The following TMEM232 variants were observed in gnomAD, a reference collection of about 807,000 sequenced individuals.
TMEM232 encodes the protein transmembrane protein 232.
TMEM232 carries 80 observed loss-of-function variants against 78.8 expected under a neutral mutation model. The ratio of observed to expected loss-of-function variants is 1.01; its 90% CI spans 0.85 to 1.22. The LOEUF (loss-of-function observed/expected upper bound fraction) is 1.22, where lower values mean the gene tolerates loss of function less well. TMEM232 is among the 50% of genes most tolerant of loss of function. The pLI, the probability that TMEM232 is intolerant of heterozygous loss-of-function variation, is 0.00. For synonymous variants in TMEM232, 297 were observed against 254.3 expected (o/e 1.17, Z -1.60); for missense variants, 881 against 742.2 (o/e 1.19, Z -2.17).
At chr5:110,733,440 A>G (rs560861960) in intron 2 of TMEM232, among the ~76,000 whole-genome samples, 1 of 152,332 alleles carries the variant, frequency 6.6e-6, no homozygotes, top group Admixed American at 6.5e-5. Flanking sequence ...CACGGAATCA[A>G]CCTAAATGCC....
intron 2 of TMEM232, among the ~76,000 whole-genome samples, chr5:110,660,481 C>G: frequency 6.6e-6 from 1 of 151,278 alleles, no homozygotes; most frequent in South Asian, 2.1e-4. Flanking sequence ...GAAAGGAGGC[C>G]TAAGAAGAAA....
chr5:110,630,436 C>T (rs1270170257), intron 5 of TMEM232, among the ~76,000 whole-genome samples: 5 of 152,166 alleles, frequency 3.3e-5, no homozygotes, highest in East Asian at 1.9e-4. Flanking sequence ...AACCTCATCT[C>T]GAACTATAAT....
rs562342285 is a variant in TMEM232, at chr5:110,514,194, A to G, written c.1703+14394T>C. 8.5e-5 allele frequency among the ~76,000 whole-genome samples: 13 copies of G among 152,302 alleles called. No individual in the cohort carries two copies. In the South Asian group the frequency reaches 2.7e-3, roughly 32 times the overall value. ...TCTTATCACCATACCCCCGAAATAC[A>G]TGTCTGGCATAGTCAAAACCAGAAA... On this transcript the variant is annotated intron_variant, in intron 12 of 13. Coordinates refer to ENST00000455884, the MANE Select transcript of TMEM232 (RefSeq NM_001039763.4).
upstream of TMEM232, chr5:110,738,877 G>T: frequency 2.1e-6 from 2 of 948,306 alleles, no homozygotes; most frequent in Non-Finnish European, 3.0e-6. Context: ...ATTCCCTAAC[G>T]ACAACAAACT....
chr5:110,427,161 A>C (rs1290700211), intron 12 of TMEM232, among the ~76,000 whole-genome samples: 2 of 149,028 alleles, frequency 1.3e-5, no homozygotes, highest in African/African-American at 5.0e-5. Flanking sequence ...ATGTCTAAGC[A>C]TATAGGCTCT....
intron 7 of TMEM232, among the ~76,000 whole-genome samples, chr5:110,620,511 C>T (rs1207121275): frequency 6.6e-6 from 1 of 151,598 alleles, no homozygotes; most frequent in African/African-American, 2.4e-5. Flanking sequence ...TCCAAATCCT[C>T]TAGTAGATTC....
chr5:110,463,139 C>T lies in TMEM232; in HGVS notation c.1704-38223G>A, dbSNP rs749654570. On this transcript the variant is annotated intron_variant, in intron 12 of 13. Transcript: ENST00000455884. ...GTTACAGAGAAATCTTTCATTGTGGCGACTTTATTGTTGTCTTATTTTAAG... is the reference window on the plus strand; with the variant it reads ...GTTACAGAGAAATCTTTCATTGTGGTGACTTTATTGTTGTCTTATTTTAAG... Among the ~76,000 whole-genome samples, 13 of 152,150 alleles carry T rather than the reference C, an allele frequency of 8.5e-5. 1 individual carries two copies. The highest frequency in any genetic ancestry group is 5.8e-4 in the East Asian group (3 of 5,176).
chr5:110,670,223 T>G (rs1054739682), intron 1 of TMEM232, among the ~76,000 whole-genome samples: 1 of 152,050 alleles, frequency 6.6e-6, no homozygotes, highest in Non-Finnish European at 1.5e-5. Flanking sequence ...GATTGTATAT[T>G]TAGAAAACCC....
intron 1 of TMEM232, among the ~76,000 whole-genome samples, chr5:110,683,397 T>A (rs143757552): frequency 3.6e-4 from 55 of 151,986 alleles, no homozygotes; most frequent in Admixed American, 7.9e-4. Context: ...CACACACATA[T>A]ATATGTTGTG....
chr5:110,625,499 T>G lies in TMEM232; in HGVS notation c.602-66A>C, dbSNP rs1445821275. 10 of 1,348,722 alleles carry G rather than the reference T, an allele frequency of 7.4e-6. No homozygotes were observed. The South Asian group carries it at 1.6e-4, about 21-fold the overall frequency. The allele number at this position is 1,348,722 out of a possible 1,614,324, so 83.5% of individuals were successfully genotyped here. On this transcript the variant is annotated intron_variant, in intron 6 of 13. Coordinates refer to ENST00000455884, the MANE Select transcript of TMEM232 (RefSeq NM_001039763.4). The stretch of plus-strand genomic sequence containing the variant: ...TATTTTGCACTGTGTTTCATTTGTC[T>G]TTTAGCTATTAAACTATAATTAAAT...
chr5:110,440,259 G>A (rs1191361013), intron 12 of TMEM232, among the ~76,000 whole-genome samples: 4 of 152,240 alleles, frequency 2.6e-5, no homozygotes, highest in South Asian at 2.1e-4. Context: ...TTGCTTAAGT[G>A]TCTTCTTACA....
At position 110,624,499 on chromosome 5, in the gene TMEM232, C is replaced by T. The variant is rs1443677337; in HGVS notation, c.768+768G>A. Among the ~76,000 whole-genome samples the T allele has an allele frequency of 7.2e-5, 11 of 152,202 alleles. 4 individuals carry two copies. The highest frequency in any genetic ancestry group is 6.5e-4 in the Admixed American group (10 of 15,270). On this transcript the variant is annotated intron_variant, in intron 7 of 13. Transcript: ENST00000455884. ...ATGTCTGTTCTCTTCATGATCAGTG[C>T]TCTTTCTGTTGCTCGATATCTTTCA...
intron 12 of TMEM232, among the ~76,000 whole-genome samples, chr5:110,519,765 T>C (rs1431640976): frequency 1.3e-5 from 2 of 151,734 alleles, no homozygotes; most frequent in Admixed American, 6.6e-5. Context: ...GTGGTATATA[T>C]ACACAATGTA....
intron 1 of TMEM232, among the ~76,000 whole-genome samples, chr5:110,687,238 T>C (rs2150207494): frequency 6.6e-6 from 1 of 152,298 alleles, no homozygotes; most frequent in East Asian, 1.9e-4. Flanking sequence ...TTTATGTTAT[T>C]TTAATGTAAG....
chr5:110,510,968 C>A (rs1767657267), intron 12 of TMEM232, among the ~76,000 whole-genome samples: 1 of 152,154 alleles, frequency 6.6e-6, no homozygotes, highest in Non-Finnish European at 1.5e-5. Context: ...GATTATAAAT[C>A]ATTCTACTAT....
chr5:110,738,208 G>A (rs2150400075), upstream of TMEM232: 3 of 1,286,826 alleles, frequency 2.3e-6, no homozygotes, highest in South Asian at 2.5e-5. Context: ...GATCTGGGGA[G>A]GGAGCCTGGC....
rs560397389 is a variant in TMEM232, at chr5:110,609,051, G to A, written c.903-2764C>T. On this transcript the variant is annotated intron_variant, in intron 8 of 13. Transcript: ENST00000455884. ...CACATGCACACATTTATAGAAGTTA[G>A]GAACATCAGCATTTAAAAGTTTTCC... is the stretch of plus-strand genomic sequence containing the variant. 5.3e-5 allele frequency among the ~76,000 whole-genome samples: 8 copies of A among 152,084 alleles called. No homozygotes were observed. In the South Asian group the frequency reaches 1.7e-3, roughly 32 times the overall value.
At chr5:110,731,763 G>A (rs1325323891) in intron 2 of TMEM232, among the ~76,000 whole-genome samples, 1 of 152,238 alleles carries the variant, frequency 6.6e-6, no homozygotes, top group African/African-American at 2.4e-5. Flanking sequence ...GTGATGGAAG[G>A]ATGCCATGAA....
At chr5:110,410,493 T>A (rs868055003) in intron 2 of TMEM232, among the ~76,000 whole-genome samples, 3 of 152,130 alleles carry the variant, frequency 2.0e-5, no homozygotes, top group African/African-American at 7.2e-5. Context: ...AGAACTGATA[T>A]AATATTTTTT....
Sources: allele counts gnomAD v4.1 joint callset (sites outside exome capture counted in the v4.1 genomes callset), GRCh38; gene constraint gnomAD v4.1.1; transcripts MANE v1.5; gene names NCBI Gene and HGNC (gene_info 2026-07-23, HGNC 2026-07-21).